The following ASAH1 variants were observed in gnomAD, a reference collection of about 807,000 sequenced individuals.
ASAH1 encodes the protein N-acylsphingosine amidohydrolase 1, also known as acid ceramidase.
In ASAH1, 70 loss-of-function variants were observed where a neutral mutation model predicts 59.5. The observed-to-expected ratio is 1.18, with a 90% CI of 0.97 to 1.43. The LOEUF (loss-of-function observed/expected upper bound fraction) is 1.43, where lower values mean the gene tolerates loss of function less well. Ranked by LOEUF, ASAH1 falls within the 40% of genes most tolerant of loss-of-function variation. The probability of loss-of-function intolerance (pLI) is 0.00; values close to 1 mark genes in which losing one functional copy is unlikely to be tolerated. For synonymous variants in ASAH1, 213 were observed against 166.5 expected, an observed-to-expected ratio of 1.28 and a Z score of -2.15; for missense variants, 660 against 482.5, an observed-to-expected ratio of 1.37 and a Z score of -3.45.
intron 4 of ASAH1, chr8:18,069,419 T>C (rs1800065905): frequency 4.8e-6 from 1 of 208,114 alleles, no homozygotes; most frequent in Non-Finnish European, 9.7e-6. Context: ...CCAGGCTGAG[T>C]ATGTCATTTG....
At chr8:18,061,020 G>A (rs1444323593) in intron 10 of ASAH1, 6 of 215,890 alleles carry the variant, frequency 2.8e-5, no homozygotes, top group Non-Finnish European at 5.6e-5. Flanking sequence ...CCCAAAGCGT[G>A]AGGATTACAG....
intron 3 of ASAH1, among the ~76,000 whole-genome samples, chr8:18,070,741 TCTG>T (rs1238347307): frequency 1.3e-5 from 2 of 152,240 alleles, no homozygotes; most frequent in Admixed American, 6.5e-5. Flanking sequence ...CCTCTTTTCC[TCTG>T]CTGTCACTTA....
At chr8:18,057,717 G>A (rs1248954374) in intron 13 of ASAH1, 94 bp from the exon 14 acceptor site, 2 of 763,912 alleles carry the variant, frequency 2.6e-6, no homozygotes, top group Non-Finnish European at 2.0e-6. Flanking sequence ...ATTTGCTTTA[G>A]AAGTTATTTA....
At chr8:18,078,536 T>G (rs1337162954) in intron 1 of ASAH1, among the ~76,000 whole-genome samples, 2 of 152,152 alleles carry the variant, frequency 1.3e-5, no homozygotes, top group Non-Finnish European at 1.5e-5. Context: ...GCAAAAAGGT[T>G]AGTTTTAGGG....
At chr8:18,065,582 T>G (rs1189412636) in intron 5 of ASAH1, 1 of 152,160 alleles carries the variant, frequency 6.6e-6, no homozygotes, top group Non-Finnish European at 1.5e-5. Context: ...AATTGAAATT[T>G]TAAAAATAGC....
At chr8:18,084,427 G>T (rs986056225), upstream of ASAH1, 18 of 1,372,612 alleles carry the variant, frequency 1.3e-5, no homozygotes, top group East Asian at 2.7e-5. Flanking sequence ...TCGATGGGGC[G>T]CCTCTAGCAG....
rs151083567 is a variant in ASAH1 at position 18,062,289 on chromosome 8, C to A, written c.638G>T (p.Gly213Val). Residue 213 changes from glycine to valine, a missense_variant, in exon 8 of 14, where the codon GGA (glycine) becomes GTA (valine). Coordinates refer to ENST00000637790, the MANE Select transcript of ASAH1 (RefSeq NM_177924.5). ...SFAGYVGMLT[G>V]FKPGLFSLTL... ...CAACAGACTCCTTACTGGTTTGAATCCTGTTAACATGCCCACATAGCCAGC... is the reference window on the plus strand; with the variant it reads ...CAACAGACTCCTTACTGGTTTGAATACTGTTAACATGCCCACATAGCCAGC... 1 of 1,614,088 alleles carries A rather than the reference C, an allele frequency of 6.2e-7. No individual in the cohort carries two copies. The highest frequency in any genetic ancestry group is 8.5e-7 in the Non-Finnish European group (1 of 1,180,048).
chr8:18,059,589 T>G lies in ASAH1; in HGVS notation c.900A>C (p.Glu300Asp), dbSNP rs1799608317. ...EGCVITRDRK[E>D]SLDVYELDAK... is the part of the protein sequence containing the mutation. ...CTACTTACTCATATACATCCAATGA[T>G]TCCTTTCTGTCTCGTGTAATCACAC... Residue 300 changes from glutamate to aspartate, a missense_variant, in exon 11 of 14, where the codon GAA becomes GAC. Physicochemically the swap from Glu to Asp is conservative, Grantham distance 45 (BLOSUM62 2). Coordinates refer to ENST00000637790, the MANE Select transcript of ASAH1 (RefSeq NM_177924.5). The G allele has an allele frequency of 6.2e-7, 1 of 1,614,112 alleles. No homozygotes were observed. Among genetic ancestry groups the G allele is most frequent in the Non-Finnish European group, 8.5e-7 (1 of 1,180,038 alleles).
Position 18,084,036 on chromosome 8 carries a change from G to T in ASAH1, c.23C>A (p.Ala8Asp). The change falls in exon 1 of 14, where the codon GCC (alanine) becomes GAC (aspartate). Residue 8 changes from alanine (A) to aspartate (D), a missense_variant. By Grantham distance (126) the Ala-to-Asp change is moderately radical. Coordinates refer to ENST00000637790, the MANE Select transcript of ASAH1 (RefSeq NM_177924.5). ...GACGGCGGCAGCCAGGAGGACTAAG[G>T]CGACGCAACTCCGGCCCGGCATCGC... MPGRSCVALVLLAAAVSC... is the reference protein window; with the variant it reads MPGRSCVDLVLLAAAVSC... The T allele has an allele frequency of 1.3e-6, 2 of 1,598,790 alleles. No individual in the cohort carries two copies. Among genetic ancestry groups the T allele is most frequent in the Non-Finnish European group, 1.7e-6 (2 of 1,179,668 alleles).
upstream of ASAH1, chr8:18,084,233 T>A (rs549133239): frequency 6.7e-5 from 99 of 1,476,402 alleles, no homozygotes; most frequent in East Asian, 2.0e-3. Context: ...GACGGGGCTT[T>A]TCAGTGCCAC....
chr8:18,067,089 T>A, intron 5 of ASAH1, 131 bp downstream of exon 5: 1 of 157,390 alleles, frequency 6.4e-6, no homozygotes, highest in African/African-American at 3.0e-5. Flanking sequence ...GAGCTGTATA[T>A]CTAAGACCTG....
At chr8:18,069,569 G>A (rs562445813) in intron 4 of ASAH1, 50 of 475,088 alleles carry the variant, frequency 1.1e-4, no homozygotes, top group Non-Finnish European at 1.8e-4. Context: ...GCCCAATGTC[G>A]TAATGTAGTC....
At chr8:18,083,888 G>A (rs1308363423) in intron 1 of ASAH1, 93 bp downstream of exon 1, 4 of 1,535,488 alleles carry the variant, frequency 2.6e-6, no homozygotes, top group Non-Finnish European at 3.5e-6. Context: ...AGCACGAGGT[G>A]TTCCTTGTAC....
chr8:18,071,616 G>A (rs1800181493), intron 2 of ASAH1, among the ~76,000 whole-genome samples: 1 of 152,096 alleles, frequency 6.6e-6, no homozygotes, highest in African/African-American at 2.4e-5. Context: ...ATCTAGTAGG[G>A]AAGGTTCATG....
At chr8:18,069,770 T>C (rs1159374472) in intron 4 of ASAH1, 22 bp downstream of exon 4, 2 of 1,490,994 alleles carry the variant, frequency 1.3e-6, no homozygotes, top group Admixed American at 1.7e-5. Flanking sequence ...TAACATTTAT[T>C]GTGAGAAATA....
rs1433679740 is a variant in ASAH1, at chr8:18,057,486, T to C, written c.*48A>G. 1 of 1,409,198 alleles carries C rather than the reference T, an allele frequency of 7.1e-7. No homozygotes were observed. The highest frequency in any genetic ancestry group is 1.7e-5 in the Admixed American group (1 of 58,378). The allele number at this position is 1,409,198 out of a possible 1,614,324, so 87.3% of individuals were successfully genotyped here. A position where few individuals can be genotyped will look rare whatever the true frequency, so the allele number is the denominator to read the frequency against. ...GCTGCAGTGTTCGGTCACATGGAGA[T>C]GGTGTCTTCATGTCTCAGAGGCCGC... On this transcript the variant is annotated 3_prime_UTR_variant, in exon 14 of 14. Transcript: ENST00000637790.
chr8:18,082,128 A>C (rs4921840), intron 1 of ASAH1, among the ~76,000 whole-genome samples: 22,053 of 152,198 alleles, frequency 0.14, 2,610 homozygotes, highest in East Asian at 0.37. Context: ...TTCCAGTTTC[A>C]TTGAAAACCT....
intron 1 of ASAH1, among the ~76,000 whole-genome samples, chr8:18,081,339 T>G (rs1800644666): frequency 6.6e-6 from 1 of 152,292 alleles, no homozygotes; most frequent in African/African-American, 2.4e-5. Context: ...TGTTTTCTTT[T>G]CTGGACTAGT....
chr8:18,066,793 T>A (rs192902055), intron 5 of ASAH1: 39 of 194,316 alleles, frequency 2.0e-4, no homozygotes, highest in African/African-American at 7.0e-4. Flanking sequence ...TCCTTTATTG[T>A]TAATATCACA....
Sources: allele counts gnomAD v4.1 joint callset (sites outside exome capture counted in the v4.1 genomes callset), GRCh38; gene constraint gnomAD v4.1.1; transcripts MANE v1.5; gene names NCBI Gene and HGNC (gene_info 2026-07-23, HGNC 2026-07-21).